NCKAP5: variants seen among roughly 807,000 people sequenced by gnomAD.
NCKAP5 encodes the protein NCK associated protein 5, also known as nck-associated protein 5.
In NCKAP5, 92 loss-of-function variants were observed where a neutral mutation model predicts 167.0. That is an observed-to-expected ratio of 0.55 (90% CI 0.47 to 0.66). The LOEUF (loss-of-function observed/expected upper bound fraction) is 0.66, where lower values mean the gene tolerates loss of function less well. NCKAP5 is among the 30% of genes least tolerant of loss of function. The pLI is 0.00. For missense variants in NCKAP5, 2,378 were observed against 2,315.0 expected, an observed-to-expected ratio of 1.03 and a Z score of -0.56; for synonymous variants, 891 against 877.4, an observed-to-expected ratio of 1.02 and a Z score of -0.27.
intron 3 of NCKAP5, among the ~76,000 whole-genome samples, chr2:133,492,510 A>G (rs1173048155): frequency 1.3e-5 from 2 of 152,026 alleles, no homozygotes; most frequent in Admixed American, 6.6e-5. Context: ...AGCACAACAC[A>G]CTCCAAAAAT....
Position 132,674,100 on chromosome 2 carries a change from C to A in NCKAP5, c.5714-795G>T, listed in dbSNP as rs562941984. 1.6e-3 allele frequency among the ~76,000 whole-genome samples: 242 copies of A among 152,224 alleles called. 2 individuals are homozygous for A. The highest frequency in any genetic ancestry group is 5.4e-3 in the African/African-American group (225 of 41,540). On this transcript the variant is annotated intron_variant, in intron 19 of 19. Coordinates refer to ENST00000409261, the MANE Select transcript of NCKAP5 (RefSeq NM_207363.3). Reference sequence around the variant, plus strand: ...GTGAGGACAGAGGGAGGCACACTTGCGAAAAACAATGAGAAAAACAGACAT... The same window carrying A: ...GTGAGGACAGAGGGAGGCACACTTGAGAAAAACAATGAGAAAAACAGACAT...
At chr2:132,963,570 T>C (rs2149205820) in intron 8 of NCKAP5, 150 bp downstream of exon 8, 2 of 841,338 alleles carry the variant, frequency 2.4e-6, no homozygotes, top group Non-Finnish European at 1.8e-6. Flanking sequence ...TTTTGCTCAT[T>C]GTAGACAAAT....
intron 3 of NCKAP5, among the ~76,000 whole-genome samples, chr2:133,468,540 A>G (rs529673613): frequency 8.9e-4 from 135 of 152,110 alleles, no homozygotes; most frequent in African/African-American, 3.0e-3. Flanking sequence ...CTTGGTGCGG[A>G]GCTGAGTTCA....
chr2:133,068,948 A>G (rs1218675447), intron 6 of NCKAP5, among the ~76,000 whole-genome samples: 1 of 152,228 alleles, frequency 6.6e-6, no homozygotes, highest in East Asian at 1.9e-4. Context: ...GGCAATCTTC[A>G]AACATTAAAA....
the NCKAP5 span, among the ~76,000 whole-genome samples, chr2:133,573,789 G>A: frequency 1.3e-5 from 2 of 152,336 alleles, no homozygotes; most frequent in East Asian, 3.9e-4. Flanking sequence ...GGGAACGGGT[G>A]TCGGGAGCCG....
At chr2:133,090,256 A>C (rs917948240) in intron 6 of NCKAP5, among the ~76,000 whole-genome samples, 8 of 152,068 alleles carry the variant, frequency 5.3e-5, no homozygotes, top group Admixed American at 1.3e-4. Context: ...AACTCTTTGC[A>C]GTTGTAATTA....
intron 5 of NCKAP5, among the ~76,000 whole-genome samples, chr2:133,147,731 TG>T (rs1574183012): frequency 6.6e-6 from 1 of 152,070 alleles, no homozygotes; most frequent in Admixed American, 6.6e-5. Flanking sequence ...ACCTTTCACA[TG>T]GAAGAGTTTA....
At position 133,304,925 on chromosome 2, in the gene NCKAP5, G is replaced by A. The variant is rs182640318; in HGVS notation, c.70-1815C>T. Among the ~76,000 whole-genome samples the A allele has an allele frequency of 9.6e-4, 146 of 152,286 alleles. 1 individual carries two copies. The highest frequency in any genetic ancestry group is 3.2e-3 in the African/African-American group (131 of 41,550). On this transcript the variant is annotated intron_variant, in intron 3 of 19. Transcript: ENST00000409261. ...ACTTTGGGAGGAGCAGCTTTGTCAC[G>A]TGAAGACTCCAGAAGAAGACTCTAA...
chr2:132,923,300 G>A (rs1695586431), intron 8 of NCKAP5, among the ~76,000 whole-genome samples: 1 of 152,168 alleles, frequency 6.6e-6, no homozygotes. Flanking sequence ...TCAGCTAAAT[G>A]AGAAAATGCA....
At chr2:133,120,507 C>G (rs1319680613) in intron 6 of NCKAP5, among the ~76,000 whole-genome samples, 1 of 152,186 alleles carries the variant, frequency 6.6e-6, no homozygotes. Flanking sequence ...GCCTCTGCCT[C>G]TGCCCCATAT....
chr2:133,173,489 C>G (rs2084332233), intron 5 of NCKAP5, among the ~76,000 whole-genome samples: 1 of 152,200 alleles, frequency 6.6e-6, no homozygotes, highest in Admixed American at 6.5e-5. Context: ...GCCTCCAAAT[C>G]TGATCATCCT....
At chr2:133,026,349 A>G (rs2078698671) in intron 6 of NCKAP5, among the ~76,000 whole-genome samples, 1 of 150,940 alleles carries the variant, frequency 6.6e-6, no homozygotes, top group Non-Finnish European at 1.5e-5. Flanking sequence ...TGGTCATCTA[A>G]AGTCACAGTC....
intron 5 of NCKAP5, among the ~76,000 whole-genome samples, chr2:133,141,076 C>T (rs1295407321): frequency 6.6e-6 from 1 of 152,018 alleles, no homozygotes; most frequent in African/African-American, 2.4e-5. Flanking sequence ...TATAAAGTTT[C>T]TCTCGGTAAC....
At chr2:133,009,939 C>G (rs925875182) in intron 6 of NCKAP5, among the ~76,000 whole-genome samples, 1 of 151,846 alleles carries the variant, frequency 6.6e-6, no homozygotes, top group Admixed American at 6.6e-5. Context: ...GGCGTGGTGG[C>G]GGGTGCCTGT....
At chr2:133,665,663 G>A in the NCKAP5 span, among the ~76,000 whole-genome samples, 7 of 152,312 alleles carry the variant, frequency 4.6e-5, no homozygotes, top group Admixed American at 2.6e-4. Flanking sequence ...GGAAAATGGC[G>A]CTGACAGACT....
At chr2:132,807,875 T>C (rs1685556542) in intron 11 of NCKAP5, among the ~76,000 whole-genome samples, 2 of 152,150 alleles carry the variant, frequency 1.3e-5, no homozygotes, top group East Asian at 3.9e-4. Flanking sequence ...CCATTTAGTA[T>C]TATGTTGGCT....
intron 15 of NCKAP5, among the ~76,000 whole-genome samples, chr2:132,774,494 A>C (rs1053976501): frequency 5.4e-4 from 82 of 151,810 alleles, no homozygotes; most frequent in African/African-American, 2.0e-3. Flanking sequence ...TTTTTGAGCC[A>C]AAAACATTCC....
At chr2:132,945,762 A>G (rs539240505) in intron 8 of NCKAP5, among the ~76,000 whole-genome samples, 6 of 152,322 alleles carry the variant, frequency 3.9e-5, no homozygotes, top group African/African-American at 1.2e-4. Context: ...CCATTTGCAT[A>G]TGTATTATTG....
chr2:132,776,978 G>A (rs1029300805), intron 15 of NCKAP5, among the ~76,000 whole-genome samples: 1 of 152,146 alleles, frequency 6.6e-6, no homozygotes, highest in African/African-American at 2.4e-5. Flanking sequence ...TCTGCCAAAC[G>A]TTTGGTTCAG....
Sources: gnomAD v4.1 joint callset for allele counts (sites outside exome capture counted in the v4.1 genomes callset) on GRCh38, gnomAD v4.1.1 for gene constraint, MANE v1.5 for transcripts, NCBI Gene and HGNC (gene_info 2026-07-23, HGNC 2026-07-21) for gene names.